The following DSG3 variants were observed in gnomAD, a reference collection of about 807,000 sequenced individuals.
The protein encoded by DSG3 is desmoglein 3.
A neutral mutation model predicts 85.9 loss-of-function variants in DSG3; 63 were observed. The observed-to-expected ratio is 0.73, with a 90% CI of 0.60 to 0.90. The LOEUF is 0.90. Ranked by LOEUF, DSG3 falls within the 40% of genes least tolerant of loss-of-function variation. The pLI is 0.00. For synonymous variants in DSG3, 447 were observed against 441.9 expected (o/e 1.01, Z -0.14); for missense variants, 1,220 against 1,219.9 (o/e 1.00, Z 0.00).
At chr18:31,462,949 G>T (rs1189058725) in intron 8 of DSG3, among the ~76,000 whole-genome samples, 4 of 152,164 alleles carry the variant, frequency 2.6e-5, no homozygotes, top group Non-Finnish European at 5.9e-5. Context: ...CAAGTTACCT[G>T]CAACTTTCCC....
In DSG3 at chr18:31,464,215, C is replaced by A; in HGVS notation, c.1104C>A (p.Thr368=). The change falls in exon 9 of 16, where the codon ACC becomes ACA. Residue 368 remains threonine, a synonymous_variant. Coordinates refer to ENST00000257189, the MANE Select transcript of DSG3 (RefSeq NM_001944.3). Reference sequence around the variant, plus strand: ...TCTCTCGATACCGAGTTCAGTCAACCCCAGTCACAATTCAGGTAATAAATG... The same window carrying A: ...TCTCTCGATACCGAGTTCAGTCAACACCAGTCACAATTCAGGTAATAAATG... ...SVISRYRVQS[T]PVTIQVINVR... 1 of 1,614,110 alleles carries A rather than the reference C, an allele frequency of 6.2e-7. No individual in the cohort carries two copies. The highest frequency in any genetic ancestry group is 8.5e-7 in the Non-Finnish European group (1 of 1,180,020).
chr18:31,474,273 GC>G lies in DSG3; in HGVS notation c.2256del (p.Thr753LeufsTer14), dbSNP rs2072873347. On this transcript the variant is annotated frameshift_variant, in exon 15 of 16. Transcript: ENST00000257189. LOFTEE classifies it high-confidence loss of function. Reference sequence around the variant, plus strand: ...AGGAGCTGCTTCAGGATTCGGAGCAGCCACTGGAGTTGGCATCTGTTCCTCA... The same window carrying G: ...AGGAGCTGCTTCAGGATTCGGAGCAGCACTGGAGTTGGCATCTGTTCCTCA... ...VSGAASGFGA[A>X]TGVGICSSGQ... 4 of 1,614,172 alleles carry G rather than the reference GC, an allele frequency of 2.5e-6. No homozygotes were observed. The highest frequency in any genetic ancestry group is 3.4e-6 in the Non-Finnish European group (4 of 1,180,042).
chr18:31,466,439 T>C lies in DSG3; in HGVS notation c.1412-91T>C, dbSNP rs964625267. ...TATTTCATGAGAAGACACACTGAGT[T>C]GGCTACAGAAAAGAGAAATGTAAAA... is the stretch of plus-strand genomic sequence containing the variant. On this transcript the variant is annotated intron_variant, in intron 10 of 15. Transcript: ENST00000257189. 3 of 1,095,354 alleles carry C rather than the reference T, an allele frequency of 2.7e-6. No individual in the cohort carries two copies. In the African/African-American group the frequency reaches 4.7e-5, roughly 17 times the overall value. The allele number at this position is 1,095,354 out of a possible 1,614,324, so 67.9% of individuals were successfully genotyped here. A position where few individuals can be genotyped will look rare whatever the true frequency, so the allele number is the denominator to read the frequency against.
intron 1 of DSG3, among the ~76,000 whole-genome samples, chr18:31,453,318 C>T (rs2072722256): frequency 1.3e-5 from 2 of 152,244 alleles, no homozygotes; most frequent in South Asian, 4.1e-4. Context: ...AGGCCCTAGG[C>T]CTGGCTGGGA....
At chr18:31,457,543 CTTTCTCTTTCTT>C (rs758207184) in intron 3 of DSG3, among the ~76,000 whole-genome samples, 16 of 126,446 alleles carry the variant, frequency 1.3e-4, no homozygotes, top group African/African-American at 4.9e-4. Flanking sequence ...TTCTTTCTTT[CTTTCTCTTTCTT>C]TCTTTCTTTC....
intron 11 of DSG3, among the ~76,000 whole-genome samples, chr18:31,468,256 A>T: frequency 6.6e-6 from 1 of 152,220 alleles, no homozygotes; most frequent in East Asian, 1.9e-4. Context: ...CTCACGGGAT[A>T]AGAACCAGGA....
Position 31,464,333 on chromosome 18 carries a change from A to T in DSG3, c.1222A>T (p.Thr408Ser). The change falls in exon 9 of 16, where the codon ACA becomes TCA. Residue 408 changes from threonine to serine, a missense_variant. Transcript: ENST00000257189. Reference protein sequence around the residue: ...SKKLVDYILGTYQAIDEDTNK... With the variant: ...SKKLVDYILGSYQAIDEDTNK... ...AAAATTGGTGGATTATATCCTGGGA[A>T]CATATCAAGCCATCGATGAGGACAC... 1 of 1,614,130 alleles carries T rather than the reference A, an allele frequency of 6.2e-7. No individual in the cohort carries two copies. Among genetic ancestry groups the T allele is most frequent in the Non-Finnish European group, 8.5e-7 (1 of 1,180,002 alleles).
chr18:31,466,981 G>C (rs1008259681), intron 11 of DSG3, among the ~76,000 whole-genome samples: 1 of 152,074 alleles, frequency 6.6e-6, no homozygotes, highest in Non-Finnish European at 1.5e-5. Context: ...TTTAGGGTTC[G>C]TTTGATATTT....
At chr18:31,455,021 CAAAA>C (rs541940386) in intron 1 of DSG3, among the ~76,000 whole-genome samples, 3 of 94,026 alleles carry the variant, frequency 3.2e-5, no homozygotes, top group Admixed American at 1.2e-4. Context: ...AACTCCGTCT[CAAAA>C]AAAAAAAAAA....
intron 10 of DSG3, 88 bp from the exon 11 acceptor site, chr18:31,466,442 C>A: frequency 8.6e-7 from 1 of 1,158,660 alleles, no homozygotes; most frequent in Non-Finnish European, 1.3e-6. Context: ...ACTGAGTTGG[C>A]TACAGAAAAG....
rs961128352 is a variant in DSG3, at chr18:31,477,370, A to G, written c.*1110A>G. ...GTCAGTGAGTAGATGTAGCATACAT[A>G]TGATGTATAATGACGTGTATTATGT... On this transcript the variant is annotated 3_prime_UTR_variant, in exon 16 of 16. Coordinates refer to ENST00000257189, the MANE Select transcript of DSG3 (RefSeq NM_001944.3). 3.9e-5 allele frequency: 6 copies of G among 152,212 alleles called. No homozygotes were observed. The highest frequency in any genetic ancestry group is 1.4e-4 in the African/African-American group (6 of 41,460). The allele number at this position is 152,212 out of a possible 1,614,324, so 9.4% of individuals were successfully genotyped here. A position where few individuals can be genotyped will look rare whatever the true frequency, so the allele number is the denominator to read the frequency against.
At position 31,475,661 on chromosome 18, in the gene DSG3, G is replaced by A; in HGVS notation, c.2401G>A (p.Ala801Thr). The A allele has an allele frequency of 6.2e-7, 1 of 1,613,918 alleles. No homozygotes were observed. Among genetic ancestry groups the A allele is most frequent in the Non-Finnish European group, 8.5e-7 (1 of 1,180,010 alleles). ...TCTGTCTTAGAAAGCATTTGCCTGTGCGGAGGAAGACGATGGCCAGGAAGC... is the reference window on the plus strand; with the variant it reads ...TCTGTCTTAGAAAGCATTTGCCTGTACGGAGGAAGACGATGGCCAGGAAGC... ...SYFSQKAFAC[A>T]EEDDGQEAND... Residue 801 changes from alanine (A) to threonine (T), a missense_variant, in exon 16 of 16, where the codon GCG (alanine) becomes ACG (threonine). Ala to Thr is a moderately conservative substitution (Grantham distance 58). Coordinates refer to ENST00000257189, the MANE Select transcript of DSG3 (RefSeq NM_001944.3).
At chr18:31,451,387 A>AT (rs528774599) in intron 1 of DSG3, among the ~76,000 whole-genome samples, 20 of 152,266 alleles carry the variant, frequency 1.3e-4, no homozygotes, top group African/African-American at 4.6e-4. Context: ...TTAGAGTACA[A>AT]TTTTTTTAAA....
At position 31,450,495 on chromosome 18, in the gene DSG3, G is replaced by A. The variant is rs566300327; in HGVS notation, c.48+2570G>A. ...AATAATGTGGTCATGGGGGGGAAAA[G>A]CAATGTTTTCTAAAGCATTCTCAAG... On this transcript the variant is annotated intron_variant, in intron 1 of 15. Coordinates refer to ENST00000257189, the MANE Select transcript of DSG3 (RefSeq NM_001944.3). Among the ~76,000 whole-genome samples, 6 of 152,168 alleles carry A rather than the reference G, an allele frequency of 3.9e-5. No homozygotes were observed. The South Asian group carries it at 6.2e-4, about 16-fold the overall frequency.
chr18:31,463,981 T>C lies in DSG3; in HGVS notation c.1000-130T>C, dbSNP rs1052486813. 39 of 859,422 alleles carry C rather than the reference T, an allele frequency of 4.5e-5. No homozygotes were observed. The African/African-American group carries it at 6.5e-4, about 14-fold the overall frequency. 53.2% of individuals were successfully genotyped at this position (859,422 alleles called of 1,614,324 possible). A position where few individuals can be genotyped will look rare whatever the true frequency, so the allele number is the denominator to read the frequency against. On this transcript the variant is annotated intron_variant, in intron 8 of 15. Coordinates refer to ENST00000257189, the MANE Select transcript of DSG3 (RefSeq NM_001944.3). Reference sequence around the variant, plus strand: ...TCTGTCTCAACATTACAATAATTTCTGAAGCTGTTTTGCTATTTAAAAACA... The same window carrying C: ...TCTGTCTCAACATTACAATAATTTCCGAAGCTGTTTTGCTATTTAAAAACA...
At chr18:31,456,907 G>T in intron 2 of DSG3, 86 bp from the exon 3 acceptor site, 1 of 1,368,260 alleles carries the variant, frequency 7.3e-7, no homozygotes, top group Non-Finnish European at 1.0e-6. Context: ...AACATAGGGG[G>T]TTCCTCAACT....
In DSG3 at chr18:31,451,338, C is replaced by T. The variant is rs1234837990; in HGVS notation, c.48+3413C>T. 2.0e-5 allele frequency among the ~76,000 whole-genome samples: 3 copies of T among 152,034 alleles called. No homozygotes were observed. The East Asian group carries it at 5.8e-4, about 29-fold the overall frequency. ...TTACTATATTAGGTAAAGCTTTCCT[C>T]ACTAAAAATTAATAGAGATGTTTGA... On this transcript the variant is annotated intron_variant, in intron 1 of 15. Transcript: ENST00000257189.
chr18:31,475,092 A>G (rs146752459), intron 15 of DSG3, among the ~76,000 whole-genome samples: 2 of 152,316 alleles, frequency 1.3e-5, no homozygotes, highest in Admixed American at 1.3e-4. Flanking sequence ...GGGAGGAATG[A>G]CATGTCAGGA....
At chr18:31,472,926 A>C in intron 14 of DSG3, 138 bp downstream of exon 14, 1 of 723,160 alleles carries the variant, frequency 1.4e-6, no homozygotes, top group Non-Finnish European at 2.3e-6. Flanking sequence ...AAATGGAGAA[A>C]AGCTGTTTTA....
Sources: allele counts gnomAD v4.1 joint callset (sites outside exome capture counted in the v4.1 genomes callset), GRCh38; gene constraint gnomAD v4.1.1; transcripts MANE v1.5; gene names NCBI Gene and HGNC (gene_info 2026-07-23, HGNC 2026-07-21).